ESR1: variants seen among roughly 807,000 people sequenced by gnomAD.
ESR1 encodes estrogen receptor.
A neutral mutation model predicts 52.7 loss-of-function variants in ESR1; 12 were observed. That is an observed-to-expected ratio of 0.23 (90% confidence interval 0.15 to 0.37). ESR1 has a LOEUF of 0.37. Among genes scored for constraint, ESR1 ranks in the 10% least tolerant of loss-of-function variants. The pLI is 1.00. For synonymous variants in ESR1, 305 were observed against 316.8 expected, an observed-to-expected ratio of 0.96 and a Z score of 0.39; for missense variants, 584 against 779.7, an observed-to-expected ratio of 0.75 and a Z score of 2.99.
chr6:151,870,878 G>T (rs375065329), intron 2 of ESR1, among the ~76,000 whole-genome samples: 1 of 151,270 alleles, frequency 6.6e-6, no homozygotes, highest in Non-Finnish European at 1.5e-5. Flanking sequence ...TTAAGGCAGG[G>T]TCTCACTCTG....
intron 2 of ESR1, among the ~76,000 whole-genome samples, chr6:151,732,526 G>A (rs59895993): frequency 1.5e-5 from 2 of 130,710 alleles, no homozygotes; most frequent in African/African-American, 6.3e-5. Context: ...TTGTGTATGT[G>A]TGTGTGTTTG....
At chr6:151,664,805 G>A (rs1777765084) in intron 1 of ESR1, among the ~76,000 whole-genome samples, 1 of 152,164 alleles carries the variant, frequency 6.6e-6, no homozygotes, top group African/African-American at 2.4e-5. Context: ...TATTGTGTCT[G>A]TGTTTTTCTT....
At chr6:151,941,738 A>G (rs2035089589) in intron 3 of ESR1, among the ~76,000 whole-genome samples, 1 of 152,150 alleles carries the variant, frequency 6.6e-6, no homozygotes, top group South Asian at 2.1e-4. Context: ...ATCGTCTCCT[A>G]TGATGGCAGC....
chr6:152,009,484 T>C (rs1008838721), intron 4 of ESR1, among the ~76,000 whole-genome samples: 1 of 152,134 alleles, frequency 6.6e-6, no homozygotes, highest in African/African-American at 2.4e-5. Flanking sequence ...TGCAACCTTA[T>C]TAGTCATTAG....
chr6:151,820,759 TA>T (rs2128189308), intron 1 of ESR1, among the ~76,000 whole-genome samples: 1 of 152,358 alleles, frequency 6.6e-6, no homozygotes, highest in Non-Finnish European at 1.5e-5. Context: ...GGGAAATGGC[TA>T]TTTTTATGAT....
chr6:151,893,169 C>T (rs910519658), intron 3 of ESR1, among the ~76,000 whole-genome samples: 4 of 151,824 alleles, frequency 2.6e-5, no homozygotes, highest in Middle Eastern at 3.4e-3. Context: ...CCAGACTGGG[C>T]GACAGAGCAA....
At chr6:151,671,335 G>C (rs1354040041) in intron 1 of ESR1, among the ~76,000 whole-genome samples, 3 of 152,152 alleles carry the variant, frequency 2.0e-5, no homozygotes, top group Non-Finnish European at 2.9e-5. Context: ...ATACACTGTG[G>C]AATACTATTC....
intron 4 of ESR1, among the ~76,000 whole-genome samples, chr6:152,007,050 A>G (rs764037695): frequency 6.6e-6 from 1 of 152,044 alleles, no homozygotes; most frequent in African/African-American, 2.4e-5. Context: ...TTTTACTCCA[A>G]GGTAGTGTGG....
intron 2 of ESR1, among the ~76,000 whole-genome samples, chr6:151,715,056 T>G (rs1780922292): frequency 1.3e-5 from 2 of 152,238 alleles, no homozygotes; most frequent in South Asian, 4.1e-4. Flanking sequence ...TCTCAGCATT[T>G]GCTTGTCTGT....
At chr6:151,716,743 G>T (rs1396189659) in intron 2 of ESR1, among the ~76,000 whole-genome samples, 1 of 152,312 alleles carries the variant, frequency 6.6e-6, no homozygotes, top group East Asian at 1.9e-4. Context: ...AGAATTTCAA[G>T]CTCATGGATC....
intron 5 of ESR1, among the ~76,000 whole-genome samples, chr6:152,039,426 C>T (rs2045600486): frequency 6.6e-6 from 1 of 151,912 alleles, no homozygotes; most frequent in Non-Finnish European, 1.5e-5. Flanking sequence ...ACACTAACTC[C>T]TTTCTTAGCC....
intron 2 of ESR1, among the ~76,000 whole-genome samples, chr6:151,749,551 G>A (rs1244690908): frequency 6.6e-6 from 1 of 152,178 alleles, no homozygotes; most frequent in African/African-American, 2.4e-5. Context: ...TGTACCAGTT[G>A]ATCAACCTCT....
intron 5 of ESR1, among the ~76,000 whole-genome samples, chr6:152,016,062 G>A (rs1562674026): frequency 6.6e-6 from 1 of 152,132 alleles, no homozygotes; most frequent in African/African-American, 2.4e-5. Context: ...TCCCCATACT[G>A]TTAGTGTGGT....
At chr6:152,000,228 A>G (rs1299557473) in intron 4 of ESR1, among the ~76,000 whole-genome samples, 1 of 152,058 alleles carries the variant, frequency 6.6e-6, no homozygotes, top group African/African-American at 2.4e-5. Context: ...TCGTTCATTC[A>G]TTCAAAAAAT....
chr6:152,108,294 C>T (rs2051091550), intron 6 of ESR1, among the ~76,000 whole-genome samples: 1 of 152,214 alleles, frequency 6.6e-6, no homozygotes, highest in Admixed American at 6.5e-5. Context: ...CTTCTACCTG[C>T]CTTGTTCTGT....
At chr6:151,658,133 G>A (rs181616820) in intron 1 of ESR1, among the ~76,000 whole-genome samples, 5 of 152,268 alleles carry the variant, frequency 3.3e-5, no homozygotes, top group East Asian at 3.9e-4. Context: ...TCACCTGGAC[G>A]TTAACTGCAG....
intron 6 of ESR1, among the ~76,000 whole-genome samples, chr6:152,092,438 A>G (rs1001813318): frequency 1.3e-5 from 2 of 152,098 alleles, no homozygotes; most frequent in African/African-American, 4.8e-5. Flanking sequence ...CTCTGTGTAG[A>G]TGTTTCTCCC....
At chr6:151,832,589 T>A (rs2128217398) in intron 1 of ESR1, among the ~76,000 whole-genome samples, 1 of 152,318 alleles carries the variant, frequency 6.6e-6, no homozygotes, top group Non-Finnish European at 1.5e-5. Context: ...CATTGATAAC[T>A]GGCTTCTCAT....
chr6:151,866,015 A>C (rs529750634), intron 2 of ESR1, among the ~76,000 whole-genome samples: 4 of 152,236 alleles, frequency 2.6e-5, no homozygotes, highest in Non-Finnish European at 5.9e-5. Context: ...GTGGGTGCCC[A>C]GGTGGTGTAG....
Sources: gnomAD v4.1 joint callset for allele counts (sites outside exome capture counted in the v4.1 genomes callset) on GRCh38, gnomAD v4.1.1 for gene constraint, MANE v1.5 for transcripts, NCBI Gene and HGNC (gene_info 2026-07-23, HGNC 2026-07-21) for gene names.